The following TIAM2 variants were observed in gnomAD, a reference collection of about 807,000 sequenced individuals.
TIAM2 encodes rho guanine nucleotide exchange factor TIAM2.
In TIAM2, 80 loss-of-function variants were observed where a neutral mutation model predicts 152.9. The ratio of observed to expected loss-of-function variants is 0.52; its 90% CI spans 0.44 to 0.63. The LOEUF is 0.63. TIAM2 is among the 30% of genes least tolerant of loss of function. TIAM2 has a pLI of 0.00. For synonymous variants in TIAM2, 804 were observed against 838.0 expected, an observed-to-expected ratio of 0.96 and a Z score of 0.70; for missense variants, 1,965 against 2,120.1, an observed-to-expected ratio of 0.93 and a Z score of 1.44.
chr6:155,139,888 T>G (rs939815120), intron 5 of TIAM2, among the ~76,000 whole-genome samples: 2 of 152,152 alleles, frequency 1.3e-5, no homozygotes, highest in Non-Finnish European at 2.9e-5. Context: ...TGCAGAGAGC[T>G]GAGATCATGC....
chr6:155,196,623 TAAAG>T (rs1402089172), intron 14 of TIAM2, among the ~76,000 whole-genome samples: 1 of 152,088 alleles, frequency 6.6e-6, no homozygotes, highest in African/African-American at 2.4e-5. Context: ...ATTAGCAACA[TAAAG>T]AGAAAGGGAG....
At chr6:155,029,583 AC>A (rs1352073275) in intron 1 of TIAM2, among the ~76,000 whole-genome samples, 1 of 88,538 alleles carries the variant, frequency 1.1e-5, no homozygotes, top group Admixed American at 1.6e-4. Context: ...AGTATATATA[AC>A]TATATAGTAT....
In TIAM2 at chr6:155,156,784, GCTC is replaced by G. The variant is rs1481024129; in HGVS notation, c.2029-7628_2029-7626del. Among the ~76,000 whole-genome samples the G allele has an allele frequency of 6.6e-6, 1 of 152,166 alleles. No individual in the cohort carries two copies. The highest frequency in any genetic ancestry group is 6.5e-5 in the Admixed American group (1 of 15,286). On this transcript the variant is annotated intron_variant, in intron 7 of 26. Coordinates refer to ENST00000682666, the MANE Select transcript of TIAM2 (RefSeq NM_012454.4). The surrounding 1 kb of genome is among the most constrained non-coding windows in gnomAD (Gnocchi z 4.4). Reference sequence around the variant, plus strand: ...TGCAACTCCCTGAGCCCACCCTTCTGCTCCTTTCTTTGGGTTTTTCCTCAGGCA... The same window carrying G: ...TGCAACTCCCTGAGCCCACCCTTCTGCTTTCTTTGGGTTTTTCCTCAGGCA...
At chr6:155,215,071 C>T (rs9480090) in intron 15 of TIAM2, among the ~76,000 whole-genome samples, 50,699 of 152,146 alleles carry the variant, frequency 0.33, 8,995 homozygotes, top group East Asian at 0.52. Flanking sequence ...CACTTAACAC[C>T]GTGAGGGATA....
intron 7 of TIAM2, among the ~76,000 whole-genome samples, chr6:155,153,975 G>C (rs1016978882): frequency 6.6e-6 from 1 of 152,064 alleles, no homozygotes; most frequent in African/African-American, 2.4e-5. Context: ...GCATTAAGCA[G>C]GAACAAGTAC....
intron 2 of TIAM2, among the ~76,000 whole-genome samples, chr6:155,106,285 G>A (rs1010807167): frequency 6.6e-6 from 1 of 152,028 alleles, no homozygotes; most frequent in Non-Finnish European, 1.5e-5. Context: ...GATTATAGGC[G>A]TAAGTCACCA....
At chr6:155,152,863 AT>A (rs1401367229) in intron 7 of TIAM2, among the ~76,000 whole-genome samples, 7 of 152,210 alleles carry the variant, frequency 4.6e-5, no homozygotes, top group East Asian at 1.9e-4. Flanking sequence ...CTAAGCAGAC[AT>A]TTTTTTAAAA....
chr6:155,009,091 C>CTTTTTTT (rs61651734), intron 1 of TIAM2, among the ~76,000 whole-genome samples: 1 of 61,440 alleles, frequency 1.6e-5, no homozygotes, highest in Admixed American at 2.5e-4. Flanking sequence ...CTCAGAAGAT[C>CTTTTTTT]TTTTTTTTTT....
chr6:155,116,180 T>G (rs1175857308), intron 2 of TIAM2, among the ~76,000 whole-genome samples: 1 of 152,228 alleles, frequency 6.6e-6, no homozygotes, highest in Non-Finnish European at 1.5e-5. Context: ...ATGTTAAATT[T>G]CTATAAATTA....
At chr6:155,190,761 C>A (rs1781177962) in intron 14 of TIAM2, among the ~76,000 whole-genome samples, 1 of 152,052 alleles carries the variant, frequency 6.6e-6, no homozygotes, top group South Asian at 2.1e-4. Context: ...AGTGAGCCGG[C>A]TCTCTGTGAA....
intron 5 of TIAM2, 81 bp downstream of exon 5, chr6:155,137,693 A>G (rs1779588456): frequency 1.4e-6 from 2 of 1,441,500 alleles, no homozygotes; most frequent in Non-Finnish European, 1.8e-6. Flanking sequence ...CCAAGAGACT[A>G]GCATTGATTT....
At chr6:155,249,553 C>T (rs1035906408) in intron 20 of TIAM2, among the ~76,000 whole-genome samples, 3 of 152,190 alleles carry the variant, frequency 2.0e-5, no homozygotes, top group Admixed American at 6.5e-5. Context: ...AATCACCTGT[C>T]GTGATCCTTG....
At chr6:155,110,717 A>G (rs1022723296) in intron 2 of TIAM2, among the ~76,000 whole-genome samples, 26 of 152,252 alleles carry the variant, frequency 1.7e-4, no homozygotes, top group Non-Finnish European at 1.8e-4. Flanking sequence ...GAAACACAGC[A>G]GATGAGGCCT....
At chr6:155,128,665 G>A (rs112740427) in intron 3 of TIAM2, among the ~76,000 whole-genome samples, 4,310 of 150,828 alleles carry the variant, frequency 0.029, 111 homozygotes, top group African/African-American at 0.066. Flanking sequence ...TTCAAGACCA[G>A]CCTGGAGCAA....
intron 2 of TIAM2, among the ~76,000 whole-genome samples, chr6:155,115,860 T>C (rs1283639261): frequency 6.6e-6 from 1 of 152,200 alleles, no homozygotes; most frequent in Non-Finnish European, 1.5e-5. Flanking sequence ...GGCTCACGCC[T>C]GTAATCTATG....
chr6:155,234,005 G>A (rs1254627145), intron 15 of TIAM2, among the ~76,000 whole-genome samples: 3 of 50,918 alleles, frequency 5.9e-5, no homozygotes, highest in Admixed American at 3.2e-4. Context: ...ATTTTTTTTG[G>A]GGGGGGGTTG....
intron 6 of TIAM2, among the ~76,000 whole-genome samples, chr6:155,145,419 C>T (rs933059426): frequency 6.6e-6 from 1 of 152,088 alleles, no homozygotes; most frequent in Admixed American, 6.6e-5. Context: ...TCTTGGAGCG[C>T]GTACCAGACT....
chr6:155,177,672 A>G (rs982415212), intron 10 of TIAM2, among the ~76,000 whole-genome samples: 2 of 152,266 alleles, frequency 1.3e-5, no homozygotes, highest in African/African-American at 4.8e-5. Context: ...TGCACTTAAT[A>G]AATGTGAAAA....
chr6:155,055,822 G>A (rs946465324), intron 1 of TIAM2, among the ~76,000 whole-genome samples: 2 of 151,332 alleles, frequency 1.3e-5, no homozygotes, highest in Admixed American at 6.6e-5. Context: ...ACATTTTCAG[G>A]CATAGTGGTG....
Sources: allele counts gnomAD v4.1 joint callset (sites outside exome capture counted in the v4.1 genomes callset), GRCh38; gene constraint gnomAD v4.1.1; non-coding constraint Gnocchi (gnomAD v3.1); transcripts MANE v1.5; gene names NCBI Gene and HGNC (gene_info 2026-07-23, HGNC 2026-07-21).